The following PAK1 variants were observed in gnomAD, a reference collection of about 807,000 sequenced individuals.
PAK1 encodes serine/threonine-protein kinase PAK 1.
Under a neutral mutation model 67.4 loss-of-function variants are expected in PAK1, and 29 were observed. The ratio of observed to expected loss-of-function variants is 0.43; its 90% CI spans 0.32 to 0.59. The LOEUF (loss-of-function observed/expected upper bound fraction) is 0.59, where lower values mean the gene tolerates loss of function less well. PAK1 is among the 20% of genes least tolerant of loss of function. The pLI is 0.07. For synonymous variants in PAK1, 223 were observed against 237.4 expected (o/e 0.94, Z 0.56); for missense variants, 337 against 670.7 (o/e 0.50, Z 5.50).
chr11:77,429,070 A>C (rs921070465), intron 1 of PAK1, among the ~76,000 whole-genome samples: 7 of 118,202 alleles, frequency 5.9e-5, no homozygotes, highest in Non-Finnish European at 9.9e-5. Context: ...AAAAAAAAAA[A>C]AAAAAAAAAA....
intron 8 of PAK1, among the ~76,000 whole-genome samples, chr11:77,349,971 T>C (rs953631535): frequency 2.0e-5 from 3 of 152,166 alleles, no homozygotes; most frequent in Non-Finnish European, 2.9e-5. Context: ...GTGTTCACTT[T>C]TTGAAAATTC....
the PAK1 span, among the ~76,000 whole-genome samples, chr11:77,511,040 A>G: frequency 2.0e-5 from 3 of 152,212 alleles, no homozygotes; most frequent in African/African-American, 7.2e-5. Context: ...GAGTTGTGTT[A>G]CTGAAAGCTT....
intron 11 of PAK1, among the ~76,000 whole-genome samples, chr11:77,339,277 T>C (rs916474887): frequency 1.3e-5 from 2 of 152,094 alleles, no homozygotes; most frequent in Non-Finnish European, 2.9e-5. Context: ...AAAGTATACA[T>C]ATGCATGTAT....
At chr11:77,408,589 G>A (rs1183431241) in intron 1 of PAK1, among the ~76,000 whole-genome samples, 2 of 151,340 alleles carry the variant, frequency 1.3e-5, no homozygotes, top group Non-Finnish European at 2.9e-5. Flanking sequence ...CTGACAGTGA[G>A]TGCCAATAAA....
At chr11:77,403,477 C>T (rs940063114) in intron 1 of PAK1, among the ~76,000 whole-genome samples, 6 of 152,196 alleles carry the variant, frequency 3.9e-5, no homozygotes, top group South Asian at 2.1e-4. Flanking sequence ...ATCATATATA[C>T]TCCAGAGACA....
intron 5 of PAK1, among the ~76,000 whole-genome samples, chr11:77,366,665 C>T (rs546720019): frequency 6.6e-6 from 1 of 152,284 alleles, no homozygotes; most frequent in South Asian, 2.1e-4. Flanking sequence ...TTCACACCCA[C>T]TAAAATGACT....
intron 1 of PAK1, among the ~76,000 whole-genome samples, chr11:77,430,496 C>G (rs1226284894): frequency 6.6e-6 from 1 of 152,202 alleles, no homozygotes; most frequent in Non-Finnish European, 1.5e-5. Flanking sequence ...ACAGTGGGGA[C>G]AAGCTGTAGC....
intron 10 of PAK1, among the ~76,000 whole-genome samples, chr11:77,340,984 T>C (rs189811574): frequency 2.0e-5 from 3 of 152,340 alleles, no homozygotes. Context: ...ATACATGTTC[T>C]GTGAAGCCCC....
At chr11:77,431,350 A>G (rs1271149773) in intron 1 of PAK1, among the ~76,000 whole-genome samples, 1 of 152,208 alleles carries the variant, frequency 6.6e-6, no homozygotes, top group Non-Finnish European at 1.5e-5. Context: ...CTGAGAGATT[A>G]TGCAATAGAA....
chr11:77,407,858 G>A (rs999794956), intron 1 of PAK1, among the ~76,000 whole-genome samples: 2 of 152,178 alleles, frequency 1.3e-5, no homozygotes, highest in Admixed American at 1.3e-4. Context: ...TCCCTTCCAA[G>A]GTAATGAGTG....
chr11:77,491,970 A>C, the PAK1 span, among the ~76,000 whole-genome samples: 3 of 152,268 alleles, frequency 2.0e-5, no homozygotes, highest in African/African-American at 7.2e-5. Flanking sequence ...AGACACACAT[A>C]CACTGACAAC....
At chr11:77,330,598 C>T (rs1427410903) in intron 14 of PAK1, among the ~76,000 whole-genome samples, 14 of 152,320 alleles carry the variant, frequency 9.2e-5, no homozygotes, top group African/African-American at 3.1e-4. Flanking sequence ...AAAGCTGAAA[C>T]TGGATCCCTT....
At chr11:77,399,137 T>C (rs1429509448) in intron 1 of PAK1, among the ~76,000 whole-genome samples, 1 of 152,166 alleles carries the variant, frequency 6.6e-6, no homozygotes, top group Non-Finnish European at 1.5e-5. Flanking sequence ...CTATGTATGC[T>C]AGAAACCAAG....
intron 1 of PAK1, among the ~76,000 whole-genome samples, chr11:77,444,229 C>T (rs34971895): frequency 0.032 from 4,913 of 151,522 alleles, 123 homozygotes; most frequent in Non-Finnish European, 0.052. Flanking sequence ...AATCCAGTTT[C>T]CTTCTTATTC....
At chr11:77,372,183 C>T (rs1297243522) in intron 5 of PAK1, among the ~76,000 whole-genome samples, 1 of 152,210 alleles carries the variant, frequency 6.6e-6, no homozygotes, top group Non-Finnish European at 1.5e-5. Context: ...AGCATAAAGA[C>T]ATTTGAGCCA....
the PAK1 span, among the ~76,000 whole-genome samples, chr11:77,482,448 C>A: frequency 5.9e-5 from 9 of 152,258 alleles, no homozygotes; most frequent in South Asian, 1.9e-3. Flanking sequence ...CTATAAACTT[C>A]CATAAATTAT....
At chr11:77,346,714 C>T (rs934257873) in intron 9 of PAK1, among the ~76,000 whole-genome samples, 14 of 152,080 alleles carry the variant, frequency 9.2e-5, no homozygotes, top group Non-Finnish European at 2.1e-4. Flanking sequence ...TGCTAGATGA[C>T]GTACTTATAT....
the PAK1 span, chr11:77,514,786 G>C: frequency 6.6e-6 from 1 of 151,872 alleles, no homozygotes; most frequent in African/African-American, 2.4e-5. Context: ...CATTTATCGA[G>C]TACCTGCTGT....
At chr11:77,423,054 C>G (rs1005688334) in intron 1 of PAK1, among the ~76,000 whole-genome samples, 3 of 152,018 alleles carry the variant, frequency 2.0e-5, no homozygotes, top group African/African-American at 7.2e-5. Flanking sequence ...TTTTAAATCA[C>G]TGTTTTCTAC....
Sources: allele counts gnomAD v4.1 joint callset (sites outside exome capture counted in the v4.1 genomes callset), GRCh38; gene constraint gnomAD v4.1.1; transcripts MANE v1.5; gene names NCBI Gene and HGNC (gene_info 2026-07-23, HGNC 2026-07-21).